CYS1: variants seen among roughly 807,000 people sequenced by gnomAD.
The protein encoded by CYS1 is cystin-1.
In CYS1, 5 loss-of-function variants were observed where a neutral mutation model predicts 9.6. The observed-to-expected ratio is 0.52, with a 90% CI of 0.27 to 1.10. The LOEUF (loss-of-function observed/expected upper bound fraction) is 1.10, where lower values mean the gene tolerates loss of function less well. Ranked by LOEUF, CYS1 falls within the 50% of genes least tolerant of loss-of-function variation. The pLI is 0.11. For missense variants in CYS1, 221 were observed against 207.9 expected (o/e 1.06, Z -0.39); for synonymous variants, 88 against 95.7 (o/e 0.92, Z 0.47).
chr2:10,058,036 CGGTTGGACCTG>C lies in CYS1; in HGVS notation c.*806_*816del, dbSNP rs1661575249. On this transcript the variant is annotated 3_prime_UTR_variant, in exon 3 of 3. Transcript: ENST00000381813. ...AGCCAGTATCAGGCAGACCCTCTCCCGGTTGGACCTGGGCGCTGGCTCCCCGCAGGGAAGGC... is the reference window on the plus strand; with the variant it reads ...AGCCAGTATCAGGCAGACCCTCTCCCGGCGCTGGCTCCCCGCAGGGAAGGC... 1.3e-5 allele frequency: 2 copies of C among 152,290 alleles called. No individual in the cohort carries two copies. The highest frequency in any genetic ancestry group is 4.8e-5 in the African/African-American group (2 of 41,470). The allele number at this position is 152,290 out of a possible 1,614,324, so 9.4% of individuals were successfully genotyped here. A position where few individuals can be genotyped will look rare whatever the true frequency, so the allele number is the denominator to read the frequency against.
intron 1 of CYS1, among the ~76,000 whole-genome samples, chr2:10,069,231 T>A (rs1413250207): frequency 6.6e-6 from 1 of 152,162 alleles, no homozygotes; most frequent in African/African-American, 2.4e-5. Flanking sequence ...GGAAAGCTAT[T>A]TTGAACTCAG....
chr2:10,075,022 G>T (rs914544411), intron 1 of CYS1, among the ~76,000 whole-genome samples: 2 of 152,066 alleles, frequency 1.3e-5, no homozygotes, highest in African/African-American at 4.8e-5. Context: ...TGAGACAGGA[G>T]AATTGCTGGA....
chr2:10,079,804 A>G, intron 1 of CYS1, 102 bp downstream of exon 1: 1 of 729,618 alleles, frequency 1.4e-6, no homozygotes. Flanking sequence ...CGGAGGCTGG[A>G]AGGGGGCGCA....
At chr2:10,060,755 C>T (rs1397084156) in intron 2 of CYS1, among the ~76,000 whole-genome samples, 11 of 152,214 alleles carry the variant, frequency 7.2e-5, no homozygotes, top group Non-Finnish European at 1.6e-4. Flanking sequence ...GCCACGCAGT[C>T]GCTGTGTGGC....
chr2:10,075,520 T>C (rs1201519192), intron 1 of CYS1, among the ~76,000 whole-genome samples: 1 of 152,220 alleles, frequency 6.6e-6, no homozygotes, highest in Non-Finnish European at 1.5e-5. Context: ...AGTGACTTTG[T>C]TTTGCTGCAA....
chr2:10,078,924 A>G (rs902420980), intron 1 of CYS1, among the ~76,000 whole-genome samples: 8 of 152,236 alleles, frequency 5.3e-5, no homozygotes, highest in Non-Finnish European at 1.0e-4. Context: ...GCACTTGAAA[A>G]TGAACACTAA....
chr2:10,057,874 T>A lies in CYS1; in HGVS notation c.*979A>T, dbSNP rs1303606579. The A allele has an allele frequency of 6.6e-6, 1 of 152,270 alleles. No homozygotes were observed. The highest frequency in any genetic ancestry group is 1.9e-4 in the East Asian group (1 of 5,182). The allele number at this position is 152,270 out of a possible 1,614,324, so 9.4% of individuals were successfully genotyped here. ...CAGGGCGTCCTGGGCAGGTCAGTTT[T>A]CCCATCTGTCAACCAGGAACATTCC... is the stretch of plus-strand genomic sequence containing the variant. On this transcript the variant is annotated 3_prime_UTR_variant, in exon 3 of 3. Coordinates refer to ENST00000381813, the MANE Select transcript of CYS1 (RefSeq NM_001037160.3).
intron 2 of CYS1, among the ~76,000 whole-genome samples, chr2:10,061,699 G>A (rs1310223293): frequency 6.6e-6 from 1 of 152,230 alleles, no homozygotes; most frequent in Non-Finnish European, 1.5e-5. Flanking sequence ...TGGGGCTAGG[G>A]TGAGTAGGAC....
chr2:10,059,907 G>C (rs1040740968), intron 2 of CYS1, among the ~76,000 whole-genome samples: 1 of 152,218 alleles, frequency 6.6e-6, no homozygotes, highest in Non-Finnish European at 1.5e-5. Flanking sequence ...TCCAGAAAGC[G>C]GCTGCGCCAG....
rs377421201 is a variant in CYS1 at position 10,070,064 on chromosome 2, A to G, written c.319-4108T>C. Among the ~76,000 whole-genome samples the G allele has an allele frequency of 3.5e-4, 53 of 152,336 alleles. No individual in the cohort carries two copies. In the East Asian group the frequency reaches 7.7e-3, roughly 22 times the overall value. ...TCATGCCCCCTTCTTAGAATTCAAA[A>G]TCAAGGCCAAACACACACCCTGAAG... is the stretch of plus-strand genomic sequence containing the variant. On this transcript the variant is annotated intron_variant, in intron 1 of 2. Coordinates refer to ENST00000381813, the MANE Select transcript of CYS1 (RefSeq NM_001037160.3).
Position 10,063,632 on chromosome 2 carries a change from G to A in CYS1, c.371+2272C>T. ...GGTGAGGGTGACACTGGAGGGAGGA[G>A]ATTGAAGGGCGGGACACTGTTGCAG... On this transcript the variant is annotated intron_variant, in intron 2 of 2. Coordinates refer to ENST00000381813, the MANE Select transcript of CYS1 (RefSeq NM_001037160.3). The surrounding 1 kb of genome is among the most constrained non-coding windows in gnomAD (Gnocchi z 4.2). Among the ~76,000 whole-genome samples the A allele has an allele frequency of 6.6e-6, 1 of 152,164 alleles. No individual in the cohort carries two copies. Among genetic ancestry groups the A allele is most frequent in the Non-Finnish European group, 1.5e-5 (1 of 68,022 alleles).
In CYS1 at chr2:10,056,987, G is replaced by A. The variant is rs1485528175; in HGVS notation, c.*1866C>T. 6.6e-6 allele frequency: 1 copy of A among 152,152 alleles called. No homozygotes were observed. The highest frequency in any genetic ancestry group is 1.5e-5 in the Non-Finnish European group (1 of 68,030). 9.4% of individuals were successfully genotyped at this position (152,152 alleles called of 1,614,324 possible). A position where few individuals can be genotyped will look rare whatever the true frequency, so the allele number is the denominator to read the frequency against. The stretch of plus-strand genomic sequence containing the variant: ...ATTTACTTTGACATTGATATAGCTT[G>A]TAACTACTTTTGGAATTTTTTTCCC... On this transcript the variant is annotated 3_prime_UTR_variant, in exon 3 of 3. Coordinates refer to ENST00000381813, the MANE Select transcript of CYS1 (RefSeq NM_001037160.3).
intron 1 of CYS1, among the ~76,000 whole-genome samples, chr2:10,073,711 C>T (rs958362200): frequency 6.6e-6 from 1 of 152,154 alleles, no homozygotes. Flanking sequence ...TAGGGTCTGC[C>T]CCAGCCCTAT....
chr2:10,062,543 G>A (rs985609764), intron 2 of CYS1, among the ~76,000 whole-genome samples: 29 of 152,116 alleles, frequency 1.9e-4, no homozygotes, highest in African/African-American at 6.8e-4. Context: ...TGGGAATACA[G>A]GCACGTGCCA....
Position 10,063,998 on chromosome 2 carries a change from G to A in CYS1, c.371+1906C>T, listed in dbSNP as rs758012262. Among the ~76,000 whole-genome samples, 1 of 152,188 alleles carries A rather than the reference G, an allele frequency of 6.6e-6. No individual in the cohort carries two copies. Among genetic ancestry groups the A allele is most frequent in the Non-Finnish European group, 1.5e-5 (1 of 68,026 alleles). On this transcript the variant is annotated intron_variant, in intron 2 of 2. Coordinates refer to ENST00000381813, the MANE Select transcript of CYS1 (RefSeq NM_001037160.3). The surrounding 1 kb of genome is among the most constrained non-coding windows in gnomAD (Gnocchi z 4.2). Reference sequence around the variant, plus strand: ...AGCACTTTGGGAGGCCAAGGTGGGCGGATCACCTGAGGCCAGGAGTTTGAG... The same window carrying A: ...AGCACTTTGGGAGGCCAAGGTGGGCAGATCACCTGAGGCCAGGAGTTTGAG...
chr2:10,066,218 C>T (rs185704487), intron 1 of CYS1, among the ~76,000 whole-genome samples: 5 of 152,356 alleles, frequency 3.3e-5, no homozygotes, highest in East Asian at 1.9e-4. Context: ...GCCTCCCAGA[C>T]GGCCACCCAT....
At chr2:10,059,791 C>G (rs962067015) in intron 2 of CYS1, among the ~76,000 whole-genome samples, 1 of 152,276 alleles carries the variant, frequency 6.6e-6, no homozygotes, top group African/African-American at 2.4e-5. Context: ...ACAGGAGCTG[C>G]TCATTGTGGG....
At chr2:10,072,117 CT>C (rs1479721735) in intron 1 of CYS1, among the ~76,000 whole-genome samples, 2 of 151,018 alleles carry the variant, frequency 1.3e-5, no homozygotes, top group Non-Finnish European at 3.0e-5. Context: ...GAGTTTCGCT[CT>C]TGTCGCCCAG....
rs1572461933 is a variant in CYS1, at chr2:10,076,776, G to C, written c.318+3130C>G. Among the ~76,000 whole-genome samples, 2 of 152,230 alleles carry C rather than the reference G, an allele frequency of 1.3e-5. No individual in the cohort carries two copies. Among genetic ancestry groups the C allele is most frequent in the East Asian group, 3.9e-4 (2 of 5,186 alleles). Reference sequence around the variant, plus strand: ...AGGACAGAGCCCGGTGCCCATCCATGCTTCCTAAGCACACGCTGGCAGCAT... The same window carrying C: ...AGGACAGAGCCCGGTGCCCATCCATCCTTCCTAAGCACACGCTGGCAGCAT... On this transcript the variant is annotated intron_variant, in intron 1 of 2. Coordinates refer to ENST00000381813, the MANE Select transcript of CYS1 (RefSeq NM_001037160.3). The surrounding 1 kb of genome is among the most constrained non-coding windows in gnomAD (Gnocchi z 4.3).
Sources: allele counts gnomAD v4.1 joint callset (sites outside exome capture counted in the v4.1 genomes callset), GRCh38; gene constraint gnomAD v4.1.1; non-coding constraint Gnocchi (gnomAD v3.1); transcripts MANE v1.5; gene names NCBI Gene and HGNC (gene_info 2026-07-23, HGNC 2026-07-21).